Variants in SERBP1 observed in about 807,000 individuals in gnomAD.
The protein encoded by SERBP1 is SERPINE1 mRNA binding protein 1, also known as SERPINE1 mRNA-binding protein 1.
In SERBP1, 6 loss-of-function variants were observed where a neutral mutation model predicts 50.2. That is an observed-to-expected ratio of 0.12 (90% confidence interval 0.07 to 0.24). SERBP1 has a LOEUF of 0.24. SERBP1 is among the 10% of genes least tolerant of loss of function. The probability of loss-of-function intolerance (pLI) is 1.00; values close to 1 mark genes in which losing one functional copy is unlikely to be tolerated. For synonymous variants in SERBP1, 168 were observed against 182.8 expected (o/e 0.92, Z 0.65); for missense variants, 346 against 524.9 (o/e 0.66, Z 3.33).
intron 6 of SERBP1, among the ~76,000 whole-genome samples, chr1:67,415,932 A>G (rs1666990044): frequency 6.6e-6 from 1 of 152,108 alleles, no homozygotes; most frequent in Non-Finnish European, 1.5e-5. Context: ...CAAGTGAAAC[A>G]CTACACACTT....
chr1:67,413,132 T>C lies in SERBP1; in HGVS notation c.*75A>G, dbSNP rs558725204. 1.8e-5 allele frequency: 26 copies of C among 1,455,362 alleles called. No homozygotes were observed. The South Asian group carries it at 3.4e-4, about 19-fold the overall frequency. 90.2% of individuals were successfully genotyped at this position (1,455,362 alleles called of 1,614,324 possible). A position where few individuals can be genotyped will look rare whatever the true frequency, so the allele number is the denominator to read the frequency against. Reference sequence around the variant, plus strand: ...TTTTTTTTTTTAATTTCTTAGTCGTTTGGAATCCTTAAGCATGCAAAAGCT... The same window carrying C: ...TTTTTTTTTTTAATTTCTTAGTCGTCTGGAATCCTTAAGCATGCAAAAGCT... On this transcript the variant is annotated 3_prime_UTR_variant, in exon 8 of 8. Coordinates refer to ENST00000361219, the MANE Select transcript of SERBP1 (RefSeq NM_001018069.2).
intron 6 of SERBP1, among the ~76,000 whole-genome samples, chr1:67,419,410 C>G (rs1222928370): frequency 6.6e-6 from 1 of 152,170 alleles, no homozygotes; most frequent in Non-Finnish European, 1.5e-5. Flanking sequence ...CCCTAGCATC[C>G]TCATGTTGTT....
At chr1:67,425,987 T>C (rs1490047287) in intron 2 of SERBP1, 148 bp downstream of exon 2, 2 of 611,064 alleles carry the variant, frequency 3.3e-6, no homozygotes, top group African/African-American at 3.8e-5. Context: ...TGGCGTGACC[T>C]TGTAGTCCGA....
intron 6 of SERBP1, among the ~76,000 whole-genome samples, chr1:67,416,928 GA>G (rs1274341649): frequency 1.3e-5 from 2 of 152,076 alleles, no homozygotes; most frequent in South Asian, 2.1e-4. Flanking sequence ...ACCACAGATC[GA>G]AAATATTCAG....
rs1366665025 is a variant in SERBP1 at position 67,409,747 on chromosome 1, A to C, written c.*3460T>G. On this transcript the variant is annotated 3_prime_UTR_variant, in exon 8 of 8. Transcript: ENST00000361219. The stretch of plus-strand genomic sequence containing the variant: ...GGGCACAGCTTAGGCCAAATAACCC[A>C]AATTTCTGGGAAGCTGCCACTTACT... The C allele has an allele frequency of 6.6e-6, 1 of 152,206 alleles. No homozygotes were observed. The highest frequency in any genetic ancestry group is 1.5e-5 in the Non-Finnish European group (1 of 68,032). The allele number at this position is 152,206 out of a possible 1,614,324, so 9.4% of individuals were successfully genotyped here. A position where few individuals can be genotyped will look rare whatever the true frequency, so the allele number is the denominator to read the frequency against.
intron 6 of SERBP1, chr1:67,417,444 A>C (rs1458138407): frequency 6.6e-6 from 1 of 152,180 alleles, no homozygotes; most frequent in African/African-American, 2.4e-5. Context: ...TGGGTCCTGG[A>C]ACGAATCCCC....
Position 67,411,106 on chromosome 1 carries a change from T to C in SERBP1, c.*2101A>G, listed in dbSNP as rs1666823326. The C allele has an allele frequency of 1.3e-5, 2 of 152,102 alleles. No homozygotes were observed. The highest frequency in any genetic ancestry group is 2.9e-5 in the Non-Finnish European group (2 of 67,962). 9.4% of individuals were successfully genotyped at this position (152,102 alleles called of 1,614,324 possible). A position where few individuals can be genotyped will look rare whatever the true frequency, so the allele number is the denominator to read the frequency against. The stretch of plus-strand genomic sequence containing the variant: ...GTTATTACCCACCAATAAGAGAAAG[T>C]TAGGTTCACAGTTTTAGCTCTTGAC... On this transcript the variant is annotated 3_prime_UTR_variant, in exon 8 of 8. Transcript: ENST00000361219.
chr1:67,411,895 T>G lies in SERBP1; in HGVS notation c.*1312A>C, dbSNP rs1666856760. On this transcript the variant is annotated 3_prime_UTR_variant, in exon 8 of 8. Coordinates refer to ENST00000361219, the MANE Select transcript of SERBP1 (RefSeq NM_001018069.2). ...TTAATTCATCATTCTATGTGTGTTT[T>G]AATAAGTGGTGATGCTCCCATTATA... The G allele has an allele frequency of 6.6e-6, 1 of 152,320 alleles. No homozygotes were observed. The highest frequency in any genetic ancestry group is 1.5e-5 in the Non-Finnish European group (1 of 68,032). 9.4% of individuals were successfully genotyped at this position (152,320 alleles called of 1,614,324 possible).
rs1225585225 is a variant in SERBP1 at position 67,409,233 on chromosome 1, C to A, written c.*3974G>T. On this transcript the variant is annotated 3_prime_UTR_variant, in exon 8 of 8. Transcript: ENST00000361219. ...ACAGAGCCAGACTGTTTCAAAGAAACAAACTCTTGTAACCCGAGAGTGACA... is the reference window on the plus strand; with the variant it reads ...ACAGAGCCAGACTGTTTCAAAGAAAAAAACTCTTGTAACCCGAGAGTGACA... 1 of 151,674 alleles carries A rather than the reference C, an allele frequency of 6.6e-6. No homozygotes were observed. The highest frequency in any genetic ancestry group is 1.5e-5 in the Non-Finnish European group (1 of 67,956). 9.4% of individuals were successfully genotyped at this position (151,674 alleles called of 1,614,324 possible).
In SERBP1 at chr1:67,410,228, A is replaced by G. The variant is rs1282625222; in HGVS notation, c.*2979T>C. The G allele has an allele frequency of 6.6e-6, 1 of 152,176 alleles. No homozygotes were observed. The highest frequency in any genetic ancestry group is 6.5e-5 in the Admixed American group (1 of 15,286). 9.4% of individuals were successfully genotyped at this position (152,176 alleles called of 1,614,324 possible). A position where few individuals can be genotyped will look rare whatever the true frequency, so the allele number is the denominator to read the frequency against. ...TCCACATGATGGTACTTTCCTAAAG[A>G]CATGTTAGGTTGGTACAAAACCAAT... On this transcript the variant is annotated 3_prime_UTR_variant, in exon 8 of 8. Coordinates refer to ENST00000361219, the MANE Select transcript of SERBP1 (RefSeq NM_001018069.2).
In SERBP1 at chr1:67,430,235, G is replaced by A. The variant is rs760218868; in HGVS notation, c.66C>T (p.Asp22=). 6.9e-6 allele frequency: 11 copies of A among 1,591,696 alleles called. No homozygotes were observed. The Admixed American group carries it at 1.7e-4, about 24-fold the overall frequency. ...GCACCTCGAAGGGGTCCGATTCGTC[G>A]TCAAATAACTGGTCGAATCGGTTGG... ...VVTNRFDQLF[D]DESDPFEVLK... is the part of the protein sequence containing the mutation. Residue 22 remains aspartate, a synonymous_variant, in exon 1 of 8, where the codon GAC becomes GAT. Transcript: ENST00000361219.
intron 1 of SERBP1, 117 bp downstream of exon 1, chr1:67,429,871 G>T: frequency 1.8e-6 from 2 of 1,127,958 alleles, no homozygotes; most frequent in Non-Finnish European, 2.5e-6. Context: ...GAAACGTGAG[G>T]ATATAGGCGG....
At position 67,420,176 on chromosome 1, in the gene SERBP1, C is replaced by A; in HGVS notation, c.784G>T (p.Val262Phe). Reference sequence around the variant, plus strand: ...GGACCCTCCTCTTTTACCTCTTCAACTTCATTCTCCCTGTGAAAAGGTTTT... The same window carrying A: ...GGACCCTCCTCTTTTACCTCTTCAAATTCATTCTCCCTGTGAAAAGGTTTT... ...VADTENKENEVEEVKEEGPKE... is the reference protein window; with the variant it reads ...VADTENKENEFEEVKEEGPKE... Residue 262 changes from valine to phenylalanine, a missense_variant, in exon 6 of 8, where the codon GTT becomes TTT. By Grantham distance (50) the Val-to-Phe change is conservative. Around this residue, in one of 5 missense-constraint regions of SERBP1, gnomAD observed 257 missense variants for 331.2 expected, o/e 0.78. Transcript: ENST00000361219. 6.2e-7 allele frequency: 1 copy of A among 1,608,638 alleles called. No individual in the cohort carries two copies. Among genetic ancestry groups the A allele is most frequent in the Non-Finnish European group, 8.5e-7 (1 of 1,178,426 alleles).
chr1:67,426,728 A>G lies in SERBP1; in HGVS notation c.314-443T>C, dbSNP rs529154031. Among the ~76,000 whole-genome samples the G allele has an allele frequency of 2.1e-4, 32 of 152,324 alleles. 1 individual carries two copies. The highest frequency in any genetic ancestry group is 1.2e-3 in the Admixed American group (19 of 15,304). ...CCAAAGAAAATACCAGCAGCCATTC[A>G]TAAATAACCAAGCAAATCAACACAC... On this transcript the variant is annotated intron_variant, in intron 1 of 7. Coordinates refer to ENST00000361219, the MANE Select transcript of SERBP1 (RefSeq NM_001018069.2).
At position 67,430,155 on chromosome 1, in the gene SERBP1, G is replaced by A. The variant is rs754257676; in HGVS notation, c.146C>T (p.Pro49Leu). The change falls in exon 1 of 8, where the codon CCT becomes CTT. Residue 49 changes from proline (P) to leucine (L), a missense_variant. Transcript: ENST00000361219. ...GGCCTGAGCTGCGCTCTTGGCCCCA[G>A]GGCCCCCAACGCCGCCCCCGCCGGC... ...KEAGGGGVGG[P>L]GAKSAAQAAA... is the part of the protein sequence containing the mutation. The A allele has an allele frequency of 9.9e-6, 16 of 1,611,104 alleles. No homozygotes were observed. Among genetic ancestry groups the A allele is most frequent in the East Asian group, 6.7e-5 (3 of 44,888 alleles).
chr1:67,417,514 TCTTTTTTC>T (rs1379634112), intron 6 of SERBP1, among the ~76,000 whole-genome samples: 3 of 151,860 alleles, frequency 2.0e-5, no homozygotes, highest in Non-Finnish European at 4.4e-5. Flanking sequence ...TTTTTTTTTT[TCTTTTTTC>T]CTTTTTTTGA....
chr1:67,428,245 GGAAA>G (rs1437922222), intron 1 of SERBP1, among the ~76,000 whole-genome samples: 1 of 152,168 alleles, frequency 6.6e-6, no homozygotes, highest in East Asian at 1.9e-4. Flanking sequence ...GTTTTCCCAT[GGAAA>G]GACTCATTGA....
intron 1 of SERBP1, among the ~76,000 whole-genome samples, chr1:67,429,253 G>C (rs1570310413): frequency 6.6e-6 from 1 of 152,296 alleles, no homozygotes; most frequent in South Asian, 2.1e-4. Flanking sequence ...ATCGTGACTC[G>C]AGGACGTTCC....
rs762647889 is a variant in SERBP1, at chr1:67,410,192, T to C, written c.*3015A>G. 1 of 152,182 alleles carries C rather than the reference T, an allele frequency of 6.6e-6. No individual in the cohort carries two copies. The highest frequency in any genetic ancestry group is 6.5e-5 in the Admixed American group (1 of 15,274). 9.4% of individuals were successfully genotyped at this position (152,182 alleles called of 1,614,324 possible). A position where few individuals can be genotyped will look rare whatever the true frequency, so the allele number is the denominator to read the frequency against. On this transcript the variant is annotated 3_prime_UTR_variant, in exon 8 of 8. Coordinates refer to ENST00000361219, the MANE Select transcript of SERBP1 (RefSeq NM_001018069.2). Reference sequence around the variant, plus strand: ...TCATTCCTTTGAACCTTTTAACACCTGTTGTTTCCTTCCACATGATGGTAC... The same window carrying C: ...TCATTCCTTTGAACCTTTTAACACCCGTTGTTTCCTTCCACATGATGGTAC...
Sources: gnomAD v4.1 joint callset for allele counts (sites outside exome capture counted in the v4.1 genomes callset) on GRCh38, gnomAD v4.1.1 for gene constraint, gnomAD v4.1.1 regional missense constraint, MANE v1.5 for transcripts, NCBI Gene and HGNC (gene_info 2026-07-23, HGNC 2026-07-21) for gene names.